Variants in POFUT1 observed in about 807,000 individuals in gnomAD.
The protein encoded by POFUT1 is GDP-fucose protein O-fucosyltransferase 1.
A neutral mutation model predicts 42.4 loss-of-function variants in POFUT1; 16 were observed. The observed-to-expected ratio is 0.38, with a 90% CI of 0.26 to 0.57. The LOEUF (loss-of-function observed/expected upper bound fraction) is 0.57. Among genes scored for constraint, POFUT1 ranks in the 20% least tolerant of loss-of-function variants. POFUT1 has a pLI of 0.71. For synonymous variants in POFUT1, 206 were observed against 205.4 expected, an observed-to-expected ratio of 1.00 and a Z score of -0.03; for missense variants, 470 against 504.6, an observed-to-expected ratio of 0.93 and a Z score of 0.66.
At position 32,214,886 on chromosome 20, in the gene POFUT1, G is replaced by A. The variant is rs114483622; in HGVS notation, c.247-383G>A. ...TAGTCTGAACTGTCTTGGTCTTGGA[G>A]TGTTTTTGTTTTTTTGAGACGGAGT... On this transcript the variant is annotated intron_variant, in intron 2 of 6. Transcript: ENST00000375749. 3.0e-3 allele frequency among the ~76,000 whole-genome samples: 460 copies of A among 152,160 alleles called. 3 individuals carry two copies. The highest frequency in any genetic ancestry group is 0.01 in the African/African-American group (416 of 41,522).
At chr20:32,232,029 A>AT (rs1390604712) in intron 6 of POFUT1, among the ~76,000 whole-genome samples, 1 of 152,204 alleles carries the variant, frequency 6.6e-6, no homozygotes, top group African/African-American at 2.4e-5. Flanking sequence ...AAAACCGTAA[A>AT]TGCTGTGCAG....
At chr20:32,210,292 C>G in intron 2 of POFUT1, 100 bp downstream of exon 2, 1 of 1,214,516 alleles carries the variant, frequency 8.2e-7, no homozygotes, top group Non-Finnish European at 1.2e-6. Flanking sequence ...TCCCACTCCT[C>G]TGAGATTTCC....
intron 4 of POFUT1, among the ~76,000 whole-genome samples, chr20:32,221,555 A>T (rs1457272206): frequency 6.6e-6 from 1 of 152,192 alleles, no homozygotes; most frequent in East Asian, 1.9e-4. Flanking sequence ...TCTACAAAAA[A>T]TAGAAAAAAT....
chr20:32,216,910 T>C lies in POFUT1; in HGVS notation c.542+189T>C, dbSNP rs1480389575. The C allele has an allele frequency of 2.8e-5, 44 of 1,569,594 alleles. 1 individual carries two copies. The highest frequency in any genetic ancestry group is 2.7e-4 in the South Asian group (23 of 85,262). On this transcript the variant is annotated intron_variant, in intron 4 of 6. Transcript: ENST00000375749. ...TGTCCACGCCTGACACGGTGGAACA[T>C]TGACCCGCCATGAGATTGAGAAAGA...
intron 2 of POFUT1, among the ~76,000 whole-genome samples, 175 bp downstream of exon 2, chr20:32,210,367 G>A (rs2047321186): frequency 6.6e-6 from 1 of 152,216 alleles, no homozygotes; most frequent in Admixed American, 6.5e-5. Flanking sequence ...TCCAGCACCT[G>A]TTGTGTGCGG....
At chr20:32,208,206 T>C in intron 1 of POFUT1, 141 bp downstream of exon 1, 3 of 855,330 alleles carry the variant, frequency 3.5e-6, no homozygotes, top group Non-Finnish European at 5.3e-6. Context: ...TTCTCCTCTC[T>C]GCCTTAGTTG....
At chr20:32,217,087 A>T (rs1345103467) in intron 4 of POFUT1, 4 of 1,610,742 alleles carry the variant, frequency 2.5e-6, no homozygotes, top group Non-Finnish European at 3.4e-6. Context: ...CTTCAGGTGC[A>T]GACCGAGAAA....
chr20:32,230,212 C>T (rs1435512913), intron 5 of POFUT1, among the ~76,000 whole-genome samples: 10 of 151,574 alleles, frequency 6.6e-5, no homozygotes, highest in Non-Finnish European at 1.3e-4. Context: ...GTGGTGAAAC[C>T]CCGTCTCTAC....
At chr20:32,208,935 G>C (rs1210859432) in intron 1 of POFUT1, among the ~76,000 whole-genome samples, 1 of 152,196 alleles carries the variant, frequency 6.6e-6, no homozygotes, top group Non-Finnish European at 1.5e-5. Context: ...GCAGGGTAGG[G>C]GAGAATCTAA....
chr20:32,210,117 T>C lies in POFUT1; in HGVS notation c.171T>C (p.Phe57=), dbSNP rs766989038. 6.2e-7 allele frequency: 1 copy of C among 1,614,204 alleles called. No homozygotes were observed. The highest frequency in any genetic ancestry group is 1.1e-5 in the South Asian group (1 of 91,082). Residue 57 remains phenylalanine (F), a synonymous_variant, in exon 2 of 7, where the codon TTT becomes TTC. Coordinates refer to ENST00000375749, the MANE Select transcript of POFUT1 (RefSeq NM_015352.2). ...QADHFLGSLA[F]AKLLNRTLAV... ...ATCACTTCTTGGGCTCTCTGGCATT[T>C]GCAAAGCTGCTAAACCGTACCTTGG...
At position 32,234,634 on chromosome 20, in the gene POFUT1, G is replaced by GC. The variant is rs1275976549; in HGVS notation, c.1145dup (p.Lys383Ter). ...CGTCTTCTTTCTTCGGCATGGACAG[G>GC]CCCCCTAAGCTGCGGGACGAGTTCT... is the stretch of plus-strand genomic sequence containing the variant. On this transcript the variant is annotated frameshift_variant, in exon 7 of 7. Coordinates refer to ENST00000375749, the MANE Select transcript of POFUT1 (RefSeq NM_015352.2). LOFTEE classifies it high-confidence loss of function. The GC allele has an allele frequency of 1.2e-6, 2 of 1,611,702 alleles. No homozygotes were observed. The highest frequency in any genetic ancestry group is 1.7e-5 in the Admixed American group (1 of 59,614).
chr20:32,223,285 C>T lies in POFUT1; in HGVS notation c.543-4978C>T, dbSNP rs951400493. ...CAAGATTTTCTTTCCAGCCAAGATC[C>T]CTGTTCCCCCCTCATTCTTTCCAGA... On this transcript the variant is annotated intron_variant, in intron 4 of 6. Transcript: ENST00000375749. 10 of 985,292 alleles carry T rather than the reference C, an allele frequency of 1.0e-5. No individual in the cohort carries two copies. In the African/African-American group the frequency reaches 1.7e-4, roughly 17 times the overall value. The allele number at this position is 985,292 out of a possible 1,614,324, so 61.0% of individuals were successfully genotyped here. A position where few individuals can be genotyped will look rare whatever the true frequency, so the allele number is the denominator to read the frequency against.
intron 2 of POFUT1, among the ~76,000 whole-genome samples, chr20:32,213,193 T>C (rs2047339545): frequency 6.6e-6 from 1 of 152,100 alleles, no homozygotes; most frequent in African/African-American, 2.4e-5. Flanking sequence ...GCCAGAAATT[T>C]TTTAAAATCT....
intron 6 of POFUT1, chr20:32,231,269 C>T (rs766024912): frequency 6.4e-5 from 37 of 574,432 alleles, no homozygotes; most frequent in Non-Finnish European, 9.3e-5. Context: ...CTGGAGCTCA[C>T]GTATCCCTGC....
intron 4 of POFUT1, chr20:32,217,743 G>T (rs1159492490): frequency 4.1e-5 from 40 of 984,954 alleles, no homozygotes; most frequent in Non-Finnish European, 4.5e-5. Flanking sequence ...TTACTCACAT[G>T]CTTTATTTTA....
At chr20:32,219,263 G>A (rs1270449591) in intron 4 of POFUT1, among the ~76,000 whole-genome samples, 3 of 152,160 alleles carry the variant, frequency 2.0e-5, no homozygotes, top group Non-Finnish European at 4.4e-5. Flanking sequence ...GATATAAACA[G>A]GTGGTATGTG....
In POFUT1 at chr20:32,234,697, G is replaced by A; in HGVS notation, c.*36G>A. 1 of 1,548,494 alleles carries A rather than the reference G, an allele frequency of 6.5e-7. No homozygotes were observed. The highest frequency in any genetic ancestry group is 8.8e-7 in the Non-Finnish European group (1 of 1,142,592). On this transcript the variant is annotated 3_prime_UTR_variant, in exon 7 of 7. Coordinates refer to ENST00000375749, the MANE Select transcript of POFUT1 (RefSeq NM_015352.2). ...AGCACCAGACCCTCTGATCCTGGAGGGACCAGAGTCTGAGCTGGTCCTTCC... is the reference window on the plus strand; with the variant it reads ...AGCACCAGACCCTCTGATCCTGGAGAGACCAGAGTCTGAGCTGGTCCTTCC...
At chr20:32,214,979 C>T (rs2047350954) in intron 2 of POFUT1, among the ~76,000 whole-genome samples, 1 of 152,126 alleles carries the variant, frequency 6.6e-6, no homozygotes, top group Non-Finnish European at 1.5e-5. Flanking sequence ...CCTCCACCTC[C>T]TGGGTTCAAG....
rs150275474 is a variant in POFUT1 at position 32,228,283 on chromosome 20, C to T, written c.563C>T (p.Pro188Leu). The part of the protein sequence containing the change: ...WSQRFSPKEH[P>L]VLALPGAPAQ... ...TCTAGATTTTCTCCAAAGGAACATCCGGTGCTTGCCCTGCCAGGAGCCCCA... is the reference window on the plus strand; with the variant it reads ...TCTAGATTTTCTCCAAAGGAACATCTGGTGCTTGCCCTGCCAGGAGCCCCA... The change falls in exon 5 of 7, where the codon CCG becomes CTG. Residue 188 changes from proline (P) to leucine (L), a missense_variant. Pro to Leu is a moderately conservative substitution (Grantham distance 98). Transcript: ENST00000375749. 4.0e-5 allele frequency: 64 copies of T among 1,613,526 alleles called. No homozygotes were observed. Among genetic ancestry groups the T allele is most frequent in the South Asian group, 3.6e-4 (33 of 90,942 alleles).
Sources: gnomAD v4.1 joint callset for allele counts (sites outside exome capture counted in the v4.1 genomes callset) on GRCh38, gnomAD v4.1.1 for gene constraint, MANE v1.5 for transcripts, NCBI Gene and HGNC (gene_info 2026-07-23, HGNC 2026-07-21) for gene names.